ANO10: variants seen among roughly 807,000 people sequenced by gnomAD.
ANO10 encodes anoctamin-10.
In ANO10, 77 loss-of-function variants were observed where a neutral mutation model predicts 74.7. The ratio of observed to expected loss-of-function variants is 1.03; its 90% CI spans 0.86 to 1.25. The LOEUF (loss-of-function observed/expected upper bound fraction) is 1.25. Among genes scored for constraint, ANO10 ranks in the 50% most tolerant of loss-of-function variants. The pLI is 0.00. For missense variants in ANO10, 721 were observed against 778.1 expected, an observed-to-expected ratio of 0.93 and a Z score of 0.87; for synonymous variants, 279 against 284.9, an observed-to-expected ratio of 0.98 and a Z score of 0.21.
intron 10 of ANO10, among the ~76,000 whole-genome samples, chr3:43,553,106 T>C (rs1305459215): frequency 6.6e-6 from 1 of 152,212 alleles, no homozygotes; most frequent in Non-Finnish European, 1.5e-5. Flanking sequence ...GATTCTATAT[T>C]GACAATACTT....
At chr3:43,654,141 T>G (rs996151295) in intron 1 of ANO10, among the ~76,000 whole-genome samples, 1 of 152,102 alleles carries the variant, frequency 6.6e-6, no homozygotes, top group African/African-American at 2.4e-5. Context: ...ACCTGTTCAT[T>G]TCATTATCAC....
At chr3:43,569,300 A>T (rs2080559379) in intron 7 of ANO10, among the ~76,000 whole-genome samples, 1 of 134,724 alleles carries the variant, frequency 7.4e-6, no homozygotes, top group Non-Finnish European at 1.6e-5. Flanking sequence ...TATTCCAATC[A>T]ATAGAAAAAG....
chr3:43,675,449 T>A (rs910121799), intron 1 of ANO10, among the ~76,000 whole-genome samples: 12 of 152,112 alleles, frequency 7.9e-5, no homozygotes, highest in African/African-American at 2.9e-4. Flanking sequence ...GATGAAAAGA[T>A]AAGCTACAGA....
At chr3:43,495,753 A>G (rs1056695766) in intron 11 of ANO10, among the ~76,000 whole-genome samples, 1 of 151,458 alleles carries the variant, frequency 6.6e-6, no homozygotes, top group Non-Finnish European at 1.5e-5. Flanking sequence ...CAGGCTGGAG[A>G]GCAGTGGCGC....
At chr3:43,400,088 T>C (rs1323421931) in intron 12 of ANO10, among the ~76,000 whole-genome samples, 1 of 152,234 alleles carries the variant, frequency 6.6e-6, no homozygotes, top group African/African-American at 2.4e-5. Flanking sequence ...TTCTGCTTTC[T>C]ATGTTACAAA....
intron 9 of ANO10, among the ~76,000 whole-genome samples, chr3:43,558,597 C>T (rs1264966776): frequency 2.6e-5 from 4 of 152,134 alleles, no homozygotes; most frequent in African/African-American, 7.2e-5. Context: ...TTTAAAGTTT[C>T]GGCCAAATTG....
At chr3:43,691,084 C>A (rs940620757) in intron 1 of ANO10, 2 of 1,504,768 alleles carry the variant, frequency 1.3e-6, no homozygotes, top group Admixed American at 4.2e-5. Flanking sequence ...CGGCGCGCAC[C>A]CTCCGCGCGG....
chr3:43,545,431 T>C (rs1187314458), intron 11 of ANO10, among the ~76,000 whole-genome samples: 2 of 152,168 alleles, frequency 1.3e-5, no homozygotes, highest in African/African-American at 4.8e-5. Context: ...TGGAGCGCAG[T>C]GGCGCAATCT....
At chr3:43,624,503 G>A (rs1356600702), upstream of ANO10, among the ~76,000 whole-genome samples, 1 of 152,138 alleles carries the variant, frequency 6.6e-6, no homozygotes, top group Non-Finnish European at 1.5e-5. Context: ...AAAAGTGTGT[G>A]GCATCTTGCT....
At chr3:43,485,712 G>A (rs758452156) in intron 11 of ANO10, 16 of 201,656 alleles carry the variant, frequency 7.9e-5, no homozygotes, top group Non-Finnish European at 1.3e-4. Flanking sequence ...AATCTCCCCT[G>A]AAGCCTTCTT....
intron 1 of ANO10, chr3:43,690,861 G>C: frequency 1.0e-6 from 1 of 985,182 alleles, no homozygotes; most frequent in Non-Finnish European, 1.4e-6. Context: ...CGCGCCGCCG[G>C]GCCGTGCTAG....
intron 6 of ANO10, 31 bp from the exon 7 acceptor site, chr3:43,574,895 C>T: frequency 6.3e-7 from 1 of 1,596,544 alleles, no homozygotes; most frequent in Non-Finnish European, 8.6e-7. Flanking sequence ...GGTAACTTCT[C>T]AGTAAGAAAA....
intron 1 of ANO10, among the ~76,000 whole-genome samples, chr3:43,687,836 G>A (rs1044238907): frequency 2.0e-5 from 3 of 152,126 alleles, no homozygotes; most frequent in South Asian, 2.1e-4. Context: ...AGTATGTGGG[G>A]CCCTGGGGGT....
Position 43,452,838 on chromosome 3 carries a change from CTTG to C in ANO10, c.1798-20114_1798-20112del, listed in dbSNP as rs2074939963. Among the ~76,000 whole-genome samples the C allele has an allele frequency of 2.6e-5, 4 of 152,186 alleles. No homozygotes were observed. The South Asian group carries it at 6.2e-4, about 24-fold the overall frequency. On this transcript the variant is annotated intron_variant, in intron 11 of 12. Coordinates refer to ENST00000292246, the MANE Select transcript of ANO10 (RefSeq NM_018075.5). ...CAGTTGCTCTACATCCTCACCAAAT[CTTG>C]TTGTTATTATTTGCCTTTTTGTTTA...
In ANO10 at chr3:43,417,588, G is replaced by A. The variant is rs1315688698; in HGVS notation, c.1914+15023C>T. ...TTAAACTTCCACTCCTAAACTCCTCGCGTGTGTTCGTGTCCTAAATTTTCT... is the reference window on the plus strand; with the variant it reads ...TTAAACTTCCACTCCTAAACTCCTCACGTGTGTTCGTGTCCTAAATTTTCT... On this transcript the variant is annotated intron_variant, in intron 12 of 12. Transcript: ENST00000292246. Among the ~76,000 whole-genome samples, 5 of 151,792 alleles carry A rather than the reference G, an allele frequency of 3.3e-5. No individual in the cohort carries two copies. In the East Asian group the frequency reaches 5.8e-4, roughly 18 times the overall value.
intron 1 of ANO10, chr3:43,691,428 T>A (rs973727084): frequency 6.1e-6 from 1 of 164,296 alleles, no homozygotes; most frequent in Non-Finnish European, 1.3e-5. Context: ...CGGCGGGCGG[T>A]GCCCGGTCGA....
intron 11 of ANO10, among the ~76,000 whole-genome samples, chr3:43,437,634 G>C (rs1020863366): frequency 1.3e-5 from 2 of 152,062 alleles, no homozygotes; most frequent in African/African-American, 2.4e-5. Context: ...AGATACCAGA[G>C]GCAGAAAGAA....
Position 43,366,718 on chromosome 3 carries a change from A to G in ANO10, c.*188T>C. On this transcript the variant is annotated 3_prime_UTR_variant, in exon 13 of 13. Transcript: ENST00000292246. ...ACAGGGTGGGGCTGGGGGAACTGCC[A>G]AGGATCCCGAGCCAAGCCACTGCGA... The G allele has an allele frequency of 1.5e-6, 1 of 655,772 alleles. No homozygotes were observed. Among genetic ancestry groups the G allele is most frequent in the Non-Finnish European group, 2.7e-6 (1 of 365,402 alleles). The allele number at this position is 655,772 out of a possible 1,614,324, so 40.6% of individuals were successfully genotyped here. A position where few individuals can be genotyped will look rare whatever the true frequency, so the allele number is the denominator to read the frequency against.
chr3:43,567,399 A>G (rs919978556), intron 7 of ANO10, among the ~76,000 whole-genome samples: 24 of 152,160 alleles, frequency 1.6e-4, no homozygotes, highest in Non-Finnish European at 4.4e-5. Context: ...ACCAAAGTTG[A>G]TATGAAGGAA....
Sources: allele counts gnomAD v4.1 joint callset (sites outside exome capture counted in the v4.1 genomes callset), GRCh38; gene constraint gnomAD v4.1.1; transcripts MANE v1.5; gene names NCBI Gene and HGNC (gene_info 2026-07-23, HGNC 2026-07-21).